The following ZNF613 variants were observed in gnomAD, a reference collection of about 807,000 sequenced individuals.
ZNF613 encodes the protein zinc finger protein 613.
Under a neutral mutation model 14.3 loss-of-function variants are expected in ZNF613, and 8 were observed. The observed-to-expected ratio is 0.56, with a 90% CI of 0.33 to 1.01. The LOEUF (loss-of-function observed/expected upper bound fraction) is 1.01, where lower values mean the gene tolerates loss of function less well. ZNF613 is among the 50% of genes least tolerant of loss of function. ZNF613 has a pLI of 0.03. For synonymous variants in ZNF613, 228 were observed against 254.5 expected (o/e 0.90, Z 0.99); for missense variants, 656 against 741.9 (o/e 0.88, Z 1.35).
At chr19:51,938,004 T>G (rs56110470) in intron 3 of ZNF613, among the ~76,000 whole-genome samples, 2,172 of 152,164 alleles carry the variant, frequency 0.014, 57 homozygotes, top group African/African-American at 0.05. Flanking sequence ...GTGTTGAGAT[T>G]ACAGGCATGA....
rs781034940 is a variant in ZNF613, at chr19:51,936,179, A to T, written c.-42A>T. 8 of 1,593,364 alleles carry T rather than the reference A, an allele frequency of 5.0e-6. No individual in the cohort carries two copies. In the South Asian group the frequency reaches 8.1e-5, roughly 16 times the overall value. On this transcript the variant is annotated 5_prime_UTR_variant, in exon 3 of 6. Transcript: ENST00000293471. ...GGCAGCTCAAGGAGAGACTACAGACACAGCATCCTACTTACTGGCTATTTC... is the reference window on the plus strand; with the variant it reads ...GGCAGCTCAAGGAGAGACTACAGACTCAGCATCCTACTTACTGGCTATTTC...
chr19:51,932,682 C>CTT (rs57077119), intron 2 of ZNF613, among the ~76,000 whole-genome samples: 1 of 146,016 alleles, frequency 6.8e-6, no homozygotes, highest in South Asian at 2.2e-4. Flanking sequence ...CTGACATTTT[C>CTT]TTTTTTTTTT....
intron 1 of ZNF613, among the ~76,000 whole-genome samples, chr19:51,929,052 C>T (rs1184072390): frequency 1.3e-5 from 2 of 152,102 alleles, no homozygotes; most frequent in Admixed American, 1.3e-4. Flanking sequence ...ATGTGTTCCC[C>T]AGTAATGACT....
chr19:51,944,520 T>C lies in ZNF613; in HGVS notation c.637T>C (p.Phe213Leu). ...TGTATGCACTGAGTGTGGGAAGGCTTTCCTCAAGAAGTCTCGCCTCATCTA... is the reference window on the plus strand; with the variant it reads ...TGTATGCACTGAGTGTGGGAAGGCTCTCCTCAAGAAGTCTCGCCTCATCTA... ...PHVCTECGKA[F>L]LKKSRLIYHQ... The change falls in exon 6 of 6, where the codon TTC becomes CTC. Residue 213 changes from phenylalanine to leucine, a missense_variant. By Grantham distance (22) the Phe-to-Leu change is conservative. Transcript: ENST00000293471. The C allele has an allele frequency of 6.2e-7, 1 of 1,612,726 alleles. No individual in the cohort carries two copies.
Position 51,944,981 on chromosome 19 carries a change from CA to C in ZNF613, c.1099del (p.Thr367GlnfsTer77). ...AGCTCAATGCACATCAGAAAGCTCACACAGGAGAGAAGTCATATATATGCCG... is the reference window on the plus strand; with the variant it reads ...AGCTCAATGCACATCAGAAAGCTCACCAGGAGAGAAGTCATATATATGCCG... ...SQLNAHQKAH[T>X]GEKSYICRDC... On this transcript the variant is annotated frameshift_variant, in exon 6 of 6. Coordinates refer to ENST00000293471, the MANE Select transcript of ZNF613 (RefSeq NM_001031721.4). LOFTEE classifies it low-confidence loss of function (END_TRUNC). The C allele has an allele frequency of 6.2e-7, 1 of 1,613,076 alleles. No individual in the cohort carries two copies. Among genetic ancestry groups the C allele is most frequent in the African/African-American group, 1.3e-5 (1 of 74,636 alleles).
At chr19:51,937,017 G>T in intron 3 of ZNF613, among the ~76,000 whole-genome samples, 1 of 152,206 alleles carries the variant, frequency 6.6e-6, no homozygotes, top group East Asian at 1.9e-4. Flanking sequence ...TGGAGAGCTG[G>T]GTTGGTAAAC....
chr19:51,936,194 C>G lies in ZNF613; in HGVS notation c.-27C>G, dbSNP rs1429065559. 1 of 1,602,104 alleles carries G rather than the reference C, an allele frequency of 6.2e-7. No homozygotes were observed. The highest frequency in any genetic ancestry group is 8.5e-7 in the Non-Finnish European group (1 of 1,174,584). On this transcript the variant is annotated 5_prime_UTR_variant, in exon 3 of 6. Coordinates refer to ENST00000293471, the MANE Select transcript of ZNF613 (RefSeq NM_001031721.4). Reference sequence around the variant, plus strand: ...GACTACAGACACAGCATCCTACTTACTGGCTATTTCCCAGTAACAAAAGAA... The same window carrying G: ...GACTACAGACACAGCATCCTACTTAGTGGCTATTTCCCAGTAACAAAAGAA...
intron 1 of ZNF613, among the ~76,000 whole-genome samples, chr19:51,929,282 A>G (rs1049958138): frequency 5.3e-5 from 8 of 152,194 alleles, no homozygotes; most frequent in African/African-American, 1.7e-4. Flanking sequence ...TGTGACTTGA[A>G]TCACTAAGTG....
Position 51,944,796 on chromosome 19 carries a change from AATC to A in ZNF613, c.918_920del (p.His306del), listed in dbSNP as rs779196312. The A allele has an allele frequency of 6.2e-7, 1 of 1,609,952 alleles. No individual in the cohort carries two copies. The highest frequency in any genetic ancestry group is 1.7e-5 in the Admixed American group (1 of 59,578). ...CTTCATCAAGAAGTCTCGGCTCATT[AATC>A]ATCAGAGAGTTCATACAGGAGAGAA... On this transcript the variant is annotated inframe_deletion, in exon 6 of 6. Coordinates refer to ENST00000293471, the MANE Select transcript of ZNF613 (RefSeq NM_001031721.4).
chr19:51,929,324 T>G (rs757898876), intron 1 of ZNF613, among the ~76,000 whole-genome samples: 26 of 152,174 alleles, frequency 1.7e-4, no homozygotes, highest in Non-Finnish European at 3.4e-4. Context: ...TTTTAAGACT[T>G]AAAAAGTTCA....
At position 51,936,150 on chromosome 19, in the gene ZNF613, T is replaced by A. The variant is rs2085303368; in HGVS notation, c.-71T>A. 1.3e-6 allele frequency: 2 copies of A among 1,497,556 alleles called. No homozygotes were observed. Among genetic ancestry groups the A allele is most frequent in the Admixed American group, 4.2e-5 (2 of 48,160 alleles). 92.8% of individuals were successfully genotyped at this position (1,497,556 alleles called of 1,614,324 possible). A position where few individuals can be genotyped will look rare whatever the true frequency, so the allele number is the denominator to read the frequency against. Reference sequence around the variant, plus strand: ...GAGACCAAGATTTCTAGCCAGAAATTGAGGGCAGCTCAAGGAGAGACTACA... The same window carrying A: ...GAGACCAAGATTTCTAGCCAGAAATAGAGGGCAGCTCAAGGAGAGACTACA... On this transcript the variant is annotated 5_prime_UTR_variant, in exon 3 of 6. Transcript: ENST00000293471.
chr19:51,945,451 A>G lies in ZNF613; in HGVS notation c.1568A>G (p.His523Arg). ...GCSDCGKAFS[H>R]LSCLVYHKGM... ...TCTGATTGTGGGAAAGCTTTCTCCC[A>G]CTTGTCATGCCTTGTTTATCATAAG... is the stretch of plus-strand genomic sequence containing the variant. Residue 523 changes from histidine to arginine, a missense_variant, in exon 6 of 6, where the codon CAC becomes CGC. By Grantham distance (29) the His-to-Arg change is conservative. Transcript: ENST00000293471. The G allele has an allele frequency of 6.2e-7, 1 of 1,614,216 alleles. No homozygotes were observed. Among genetic ancestry groups the G allele is most frequent in the Non-Finnish European group, 8.5e-7 (1 of 1,180,024 alleles).
intron 5 of ZNF613, 141 bp from the exon 6 acceptor site, chr19:51,943,978 C>T: frequency 5.8e-6 from 3 of 520,456 alleles, no homozygotes; most frequent in South Asian, 7.2e-5. Context: ...TATTCTTGTC[C>T]AAGTGACAAT....
intron 5 of ZNF613, among the ~76,000 whole-genome samples, chr19:51,943,360 C>CA (rs1289892109): frequency 6.6e-6 from 1 of 152,198 alleles, no homozygotes; most frequent in Non-Finnish European, 1.5e-5. Context: ...GCTCACCATT[C>CA]CAAGGAGCAT....
chr19:51,945,412 G>C lies in ZNF613; in HGVS notation c.1529G>C (p.Arg510Thr). 1 of 1,613,706 alleles carries C rather than the reference G, an allele frequency of 6.2e-7. No individual in the cohort carries two copies. The change falls in exon 6 of 6, where the codon AGA (arginine) becomes ACA (threonine). Residue 510 changes from arginine (R) to threonine (T), a missense_variant. Transcript: ENST00000293471. ...CATCGGAGAACTCATACAGGGGAGA[G>C]ACCGTATGGATGCTCTGATTGTGGG... ...NRHRRTHTGE[R>T]PYGCSDCGKA...
chr19:51,935,339 G>T (rs2085297970), intron 2 of ZNF613, among the ~76,000 whole-genome samples: 1 of 152,204 alleles, frequency 6.6e-6, no homozygotes, highest in African/African-American at 2.4e-5. Context: ...CTCCCTCAAG[G>T]TAGTAGCAAA....
In ZNF613 at chr19:51,940,241, G is replaced by T. The variant is rs564291959; in HGVS notation, c.48G>T (p.Glu16Asp). The T allele has an allele frequency of 6.2e-7, 1 of 1,613,804 alleles. No individual in the cohort carries two copies. Among genetic ancestry groups the T allele is most frequent in the African/African-American group, 1.3e-5 (1 of 75,010 alleles). Residue 16 changes from glutamate to aspartate, a missense_variant, in exon 4 of 6, where the codon GAG (glutamate) becomes GAT (aspartate). Coordinates refer to ENST00000293471, the MANE Select transcript of ZNF613 (RefSeq NM_001031721.4). Reference sequence around the variant, plus strand: ...TGACCCTGGAGGATGTGGCTGTGGAGTTCACTTGGGAGGAGTGGCAGCTCC... The same window carrying T: ...TGACCCTGGAGGATGTGGCTGTGGATTTCACTTGGGAGGAGTGGCAGCTCC... ...ESLTLEDVAV[E>D]FTWEEWQLLG...
intron 2 of ZNF613, among the ~76,000 whole-genome samples, chr19:51,930,372 C>T (rs1005815272): frequency 6.6e-6 from 1 of 152,106 alleles, no homozygotes; most frequent in Non-Finnish European, 1.5e-5. Context: ...AGTGATTCTC[C>T]TGCCTCAGCC....
In ZNF613 at chr19:51,940,262, G is replaced by C; in HGVS notation, c.69G>C (p.Gln23His). 6.2e-7 allele frequency: 1 copy of C among 1,613,798 alleles called. No homozygotes were observed. The highest frequency in any genetic ancestry group is 8.5e-7 in the Non-Finnish European group (1 of 1,179,828). ...VAVEFTWEEW[Q>H]LLGPAQKDLY... ...TGGAGTTCACTTGGGAGGAGTGGCAGCTCCTCGGCCCTGCTCAGAAGGACC... is the reference window on the plus strand; with the variant it reads ...TGGAGTTCACTTGGGAGGAGTGGCACCTCCTCGGCCCTGCTCAGAAGGACC... Residue 23 changes from glutamine (Q) to histidine (H), a missense_variant, in exon 4 of 6, where the codon CAG (glutamine) becomes CAC (histidine). Coordinates refer to ENST00000293471, the MANE Select transcript of ZNF613 (RefSeq NM_001031721.4).
Sources: gnomAD v4.1 joint callset for allele counts (sites outside exome capture counted in the v4.1 genomes callset) on GRCh38, gnomAD v4.1.1 for gene constraint, MANE v1.5 for transcripts, NCBI Gene and HGNC (gene_info 2026-07-23, HGNC 2026-07-21) for gene names.